ACP7: variants seen among roughly 807,000 people sequenced by gnomAD.
The protein encoded by ACP7 is acid phosphatase type 7.
Under a neutral mutation model 60.6 loss-of-function variants are expected in ACP7, and 58 were observed. The observed-to-expected ratio is 0.96, with a 90% CI of 0.77 to 1.19. The LOEUF is 1.19. Ranked by LOEUF, ACP7 falls within the 50% of genes most tolerant of loss-of-function variation. The pLI is 0.00. For synonymous variants in ACP7, 237 were observed against 232.6 expected (o/e 1.02, Z -0.17); for missense variants, 574 against 596.2 (o/e 0.96, Z 0.39).
intron 2 of ACP7, among the ~76,000 whole-genome samples, chr19:39,097,920 CTG>C (rs751717351): frequency 6.6e-6 from 1 of 152,026 alleles, no homozygotes; most frequent in Middle Eastern, 3.4e-3. Context: ...GACAGGAAAA[CTG>C]AGGCTCAGAG....
rs543790478 is a variant in ACP7 at position 39,095,493 on chromosome 19, C to T, written c.122-2965C>T. On this transcript the variant is annotated intron_variant, in intron 2 of 12. Transcript: ENST00000331256. ...AGAGGTGGGTTCCCATGGTTGTGGG[C>T]AGCTCTGCCCCTGTGGCTTTGCAGG... 3.9e-5 allele frequency among the ~76,000 whole-genome samples: 6 copies of T among 152,350 alleles called. No individual in the cohort carries two copies. The South Asian group carries it at 8.3e-4, about 21-fold the overall frequency.
Position 39,084,412 on chromosome 19 carries a change from T to TC in ACP7, c.-179+14dup, listed in dbSNP as rs1202694074. 6.7e-6 allele frequency: 1 copy of TC among 150,366 alleles called. No homozygotes were observed. Among genetic ancestry groups the TC allele is most frequent in the African/African-American group, 2.5e-5 (1 of 40,646 alleles). 9.3% of individuals were successfully genotyped at this position (150,366 alleles called of 1,614,324 possible). On this transcript the variant is annotated intron_variant, in intron 1 of 12. Coordinates refer to ENST00000331256, the MANE Select transcript of ACP7 (RefSeq NM_001004318.3). ...CGGCGCCCCCGAGGGTGAGCCGGGG[T>TC]CCGGGAGGGCGTCCCCTTTCCCGGA...
Position 39,101,533 on chromosome 19 carries a change from C to T in ACP7, c.1109C>T (p.Ser370Phe). ...PRGPVHIITG[S>F]AGCEERLTPF... ...GGGCCTGTCCACATCATCACAGGAT[C>T]TGCTGTGAGCAGGGGGAAGGGTGGC... Residue 370 changes from serine to phenylalanine, a missense_variant, in exon 11 of 13, where the codon TCT becomes TTT. Physicochemically the swap from Ser to Phe is radical, Grantham distance 155 (BLOSUM62 -2). Coordinates refer to ENST00000331256, the MANE Select transcript of ACP7 (RefSeq NM_001004318.3). 6.2e-7 allele frequency: 1 copy of T among 1,613,672 alleles called. No homozygotes were observed.
chr19:39,102,274 G>C (rs942297978), intron 11 of ACP7, among the ~76,000 whole-genome samples: 1 of 151,712 alleles, frequency 6.6e-6, no homozygotes, highest in Admixed American at 6.6e-5. Flanking sequence ...AGTTATGATC[G>C]CACCAATGCA....
intron 12 of ACP7, among the ~76,000 whole-genome samples, chr19:39,108,170 C>T (rs545794861): frequency 2.7e-4 from 38 of 138,554 alleles, no homozygotes; most frequent in African/African-American, 9.8e-4. Flanking sequence ...GATGGAGTCT[C>T]GCTCTGTCAC....
chr19:39,102,725 T>TTCTTTCTTTCTC (rs2073363414), intron 11 of ACP7, among the ~76,000 whole-genome samples: 1 of 74,248 alleles, frequency 1.3e-5, no homozygotes, highest in Admixed American at 1.5e-4. Context: ...TTTTCTTTCT[T>TTCTTTCTTTCTC]TCTTTCTTTC....
intron 4 of ACP7, 55 bp downstream of exon 4, chr19:39,099,197 G>C (rs2145007751): frequency 2.7e-6 from 4 of 1,462,330 alleles, no homozygotes; most frequent in Middle Eastern, 2.3e-4. Flanking sequence ...CGCAGGGATG[G>C]TGGGGGGCGC....
intron 11 of ACP7, among the ~76,000 whole-genome samples, chr19:39,101,942 CAAAA>C (rs35540772): frequency 8.1e-6 from 1 of 122,990 alleles, no homozygotes. Context: ...CTTGTCTATA[CAAAA>C]AAAAAAAAAA....
In ACP7 at chr19:39,100,285, G is replaced by A; in HGVS notation, c.564G>A (p.Arg188=). 6.2e-7 allele frequency: 1 copy of A among 1,614,086 alleles called. No individual in the cohort carries two copies. Among genetic ancestry groups the A allele is most frequent in the South Asian group, 1.1e-5 (1 of 91,074 alleles). Residue 188 remains arginine (R), a synonymous_variant, in exon 5 of 13, where the codon CGG becomes CGA. Coordinates refer to ENST00000331256, the MANE Select transcript of ACP7 (RefSeq NM_001004318.3). The part of the protein sequence containing the change: ...DNARVGDRFM[R]LIEPVAASLP... ...CCCGTGTTGGGGATAGGTTCATGCGGCTCATTGAACCCGTGGCTGCCAGCC... is the reference window on the plus strand; with the variant it reads ...CCCGTGTTGGGGATAGGTTCATGCGACTCATTGAACCCGTGGCTGCCAGCC...
intron 2 of ACP7, among the ~76,000 whole-genome samples, chr19:39,090,792 T>TC (rs1033436511): frequency 1.4e-5 from 2 of 143,968 alleles, no homozygotes; most frequent in Non-Finnish European, 3.0e-5. Context: ...TCCCACTTCT[T>TC]TTTTTTTTTT....
rs35453957 is a variant in ACP7, at chr19:39,090,790, CT to C, written c.121+5417del. On this transcript the variant is annotated intron_variant, in intron 2 of 12. Transcript: ENST00000331256. ...AACTACTCGCCCAGCCTTCCCACTT[CT>C]TTTTTTTTTTTTTTTTGGTCTATTG... is the stretch of plus-strand genomic sequence containing the variant. Among the ~76,000 whole-genome samples, 988 of 133,398 alleles carry C rather than the reference CT, an allele frequency of 7.4e-3. 11 individuals carry two copies. Among genetic ancestry groups the C allele is most frequent in the African/African-American group, 0.02 (721 of 36,092 alleles). 87.5% of individuals were successfully genotyped at this position (133,398 alleles called of 152,430 possible).
chr19:39,102,262 T>G (rs1740314692), intron 11 of ACP7, among the ~76,000 whole-genome samples: 1 of 151,986 alleles, frequency 6.6e-6, no homozygotes, highest in Admixed American at 6.6e-5. Flanking sequence ...GAGGCTACAA[T>G]GAGTTATGAT....
At chr19:39,103,647 T>G (rs2073382270) in intron 11 of ACP7, among the ~76,000 whole-genome samples, 1 of 149,636 alleles carries the variant, frequency 6.7e-6, no homozygotes, top group Non-Finnish European at 1.5e-5. Context: ...GGCAACATGG[T>G]GAAACCCCAT....
intron 2 of ACP7, among the ~76,000 whole-genome samples, 167 bp downstream of exon 2, chr19:39,085,557 C>A (rs2073132138): frequency 6.6e-6 from 1 of 152,302 alleles, no homozygotes; most frequent in Middle Eastern, 3.4e-3. Context: ...CTGTGGAACA[C>A]CTGGAAGTGT....
chr19:39,097,059 C>G (rs2073274437), intron 2 of ACP7, among the ~76,000 whole-genome samples: 1 of 152,176 alleles, frequency 6.6e-6, no homozygotes, highest in East Asian at 1.9e-4. Context: ...CTTGGCCTCC[C>G]AAAGTGCTGG....
At chr19:39,086,902 CCTT>C (rs1418544964) in intron 2 of ACP7, among the ~76,000 whole-genome samples, 1 of 151,968 alleles carries the variant, frequency 6.6e-6, no homozygotes, top group Non-Finnish European at 1.5e-5. Context: ...ATAACAAACA[CCTT>C]CAGTATTAAT....
At chr19:39,106,331 A>G (rs1351669852) in intron 11 of ACP7, among the ~76,000 whole-genome samples, 6 of 152,076 alleles carry the variant, frequency 3.9e-5, no homozygotes, top group Admixed American at 6.6e-5. Flanking sequence ...CTGCTTTGCG[A>G]TGGCTGTGCT....
chr19:39,100,572 T>G lies in ACP7; in HGVS notation c.630-8T>G. ...TCACCTCCATCCCTTGTACTTCCTT[T>G]ATTCCAGCAACTTCTCTAACTACAA... is the stretch of plus-strand genomic sequence containing the variant. On this transcript the variant is annotated splice_polypyrimidine_tract_variant and splice_region_variant and intron_variant, in intron 5 of 12. Coordinates refer to ENST00000331256, the MANE Select transcript of ACP7 (RefSeq NM_001004318.3). The G allele has an allele frequency of 6.2e-7, 1 of 1,613,820 alleles. No homozygotes were observed. Among genetic ancestry groups the G allele is most frequent in the Non-Finnish European group, 8.5e-7 (1 of 1,179,750 alleles).
Position 39,106,961 on chromosome 19 carries a change from G to C in ACP7, c.1128G>C (p.Arg376=). 1.2e-6 allele frequency: 2 copies of C among 1,613,924 alleles called. No homozygotes were observed. Among genetic ancestry groups the C allele is most frequent in the Non-Finnish European group, 1.7e-6 (2 of 1,179,964 alleles). The change falls in exon 12 of 13, where the codon CGG becomes CGC. Residue 376 remains arginine, a synonymous_variant. Transcript: ENST00000331256. ...CCCCGCCCCAGGGCTGTGAGGAGCG[G>C]CTGACGCCCTTTGCTGTCTTCCCGA... ...IITGSAGCEE[R]LTPFAVFPRP...
Sources: gnomAD v4.1 joint callset for allele counts (sites outside exome capture counted in the v4.1 genomes callset) on GRCh38, gnomAD v4.1.1 for gene constraint, MANE v1.5 for transcripts, NCBI Gene and HGNC (gene_info 2026-07-23, HGNC 2026-07-21) for gene names.